ZNF503: variants seen among roughly 807,000 people sequenced by gnomAD.
ZNF503 encodes zinc finger protein 503, also known as NocA-like zinc finger 2.
In ZNF503, 15 loss-of-function variants were observed where a neutral mutation model predicts 34.4. That is an observed-to-expected ratio of 0.44 (90% CI 0.29 to 0.67). ZNF503 has a LOEUF of 0.67. ZNF503 is among the 30% of genes least tolerant of loss of function. The pLI is 0.13. For synonymous variants in ZNF503, 580 were observed against 456.8 expected, an observed-to-expected ratio of 1.27 and a Z score of -3.44; for missense variants, 1,007 against 926.8, an observed-to-expected ratio of 1.09 and a Z score of -1.12.
the ZNF503 span, among the ~76,000 whole-genome samples, chr10:75,367,086 C>G: frequency 1.3e-5 from 2 of 152,200 alleles, no homozygotes; most frequent in Non-Finnish European, 2.9e-5. Flanking sequence ...ACTTGCCCAC[C>G]AGAAGGGCCT....
the ZNF503 span, among the ~76,000 whole-genome samples, chr10:75,337,180 C>A: frequency 4.0e-5 from 6 of 151,506 alleles, no homozygotes; most frequent in South Asian, 1.0e-3. Context: ...AACAATTAGT[C>A]GGGCGTGGTG....
At chr10:75,357,729 T>C in the ZNF503 span, among the ~76,000 whole-genome samples, 81 of 152,136 alleles carry the variant, frequency 5.3e-4, 1 homozygote, top group Admixed American at 4.6e-4. Flanking sequence ...TGTGGTAGAA[T>C]TGGGATTTGA....
At chr10:75,324,805 G>A in the ZNF503 span, among the ~76,000 whole-genome samples, 1 of 151,950 alleles carries the variant, frequency 6.6e-6, no homozygotes, top group Non-Finnish European at 1.5e-5. Flanking sequence ...ATGCTTATTT[G>A]CTGGAATTCC....
the ZNF503 span, among the ~76,000 whole-genome samples, chr10:75,285,437 T>A: frequency 6.6e-6 from 1 of 152,230 alleles, no homozygotes; most frequent in Non-Finnish European, 1.5e-5. Context: ...CAGATTTTTC[T>A]CTTCTGCTCT....
chr10:75,389,288 G>T, the ZNF503 span, among the ~76,000 whole-genome samples: 2 of 152,116 alleles, frequency 1.3e-5, no homozygotes, highest in Non-Finnish European at 2.9e-5. Context: ...TGCCCCTCCT[G>T]GTTCCTGCAT....
chr10:75,398,872 G>A lies in ZNF503; in HGVS notation c.1818C>T (p.Ser606=). ...CGCCAGGCGTGGGAAGCGGGCTCTT[G>A]GAGTAGGGGTGGTAGCGGCTGCTGA... The part of the protein sequence containing the change: ...LGLSSRYHPY[S]KSPLPTPGAP... The change falls in exon 2 of 2, where the codon TCC becomes TCT. Residue 606 remains serine, a synonymous_variant. Coordinates refer to ENST00000372524, the MANE Select transcript of ZNF503 (RefSeq NM_032772.6). 1 of 1,518,200 alleles carries A rather than the reference G, an allele frequency of 6.6e-7. No individual in the cohort carries two copies. The highest frequency in any genetic ancestry group is 2.3e-5 in the East Asian group (1 of 43,374). The allele number at this position is 1,518,200 out of a possible 1,614,324, so 94.0% of individuals were successfully genotyped here.
the ZNF503 span, among the ~76,000 whole-genome samples, chr10:75,298,235 A>G: frequency 6.6e-6 from 1 of 152,242 alleles, no homozygotes; most frequent in Non-Finnish European, 1.5e-5. Context: ...ACACTTTAGA[A>G]GGTAAAATTA....
chr10:75,382,506 CT>C, the ZNF503 span: 5 of 728,212 alleles, frequency 6.9e-6, no homozygotes, highest in Non-Finnish European at 8.7e-6. Context: ...GCAACCTCTT[CT>C]TTTTCCTTAT....
In ZNF503 at chr10:75,401,176, C is replaced by T. The variant is rs1328249916; in HGVS notation, c.244G>A (p.Ala82Thr). 1.9e-6 allele frequency: 3 copies of T among 1,610,822 alleles called. No individual in the cohort carries two copies. Among genetic ancestry groups the T allele is most frequent in the Non-Finnish European group, 2.5e-6 (3 of 1,178,230 alleles). Residue 82 changes from alanine (A) to threonine (T), a missense_variant, in exon 1 of 2, where the codon GCA (alanine) becomes ACA (threonine). By Grantham distance (58) the Ala-to-Thr change is moderately conservative (BLOSUM62 0). Coordinates refer to ENST00000372524, the MANE Select transcript of ZNF503 (RefSeq NM_032772.6). Reference protein sequence around the residue: ...LPIKVLKMLTARTGHILHPEY... With the variant: ...LPIKVLKMLTTRTGHILHPEY... ...GGGTGCAAAATGTGGCCAGTTCGTGCCGTCAGCATCTTCAGCACCTTGATT... is the reference window on the plus strand; with the variant it reads ...GGGTGCAAAATGTGGCCAGTTCGTGTCGTCAGCATCTTCAGCACCTTGATT...
chr10:75,286,146 G>C, the ZNF503 span, among the ~76,000 whole-genome samples: 2 of 152,000 alleles, frequency 1.3e-5, no homozygotes, highest in Non-Finnish European at 2.9e-5. Flanking sequence ...AGCTGGTCCT[G>C]GTGGCACGCG....
chr10:75,300,704 C>CTTTTTTTTTTTTTTTTTTT, the ZNF503 span, among the ~76,000 whole-genome samples: 1 of 108,752 alleles, frequency 9.2e-6, no homozygotes, highest in African/African-American at 3.7e-5. Flanking sequence ...TTCTTTCTTT[C>CTTTTTTTTTTTTTTTTTTT]TTTTTTTTTT....
the ZNF503 span, among the ~76,000 whole-genome samples, chr10:75,349,430 T>G: frequency 2.0e-5 from 3 of 152,232 alleles, no homozygotes; most frequent in South Asian, 6.2e-4. Context: ...GAATGCCACA[T>G]GAGTTTTAAT....
At chr10:75,387,703 T>C in the ZNF503 span, among the ~76,000 whole-genome samples, 1 of 152,152 alleles carries the variant, frequency 6.6e-6, no homozygotes, top group African/African-American at 2.4e-5. Context: ...GGCTGGGTTT[T>C]GCTGGGTGCT....
the ZNF503 span, among the ~76,000 whole-genome samples, chr10:75,375,703 G>A: frequency 2.0e-5 from 3 of 152,188 alleles, no homozygotes; most frequent in Non-Finnish European, 4.4e-5. Flanking sequence ...TTTCAGTAGA[G>A]ACTGGGTTTT....
chr10:75,326,475 G>T, the ZNF503 span, among the ~76,000 whole-genome samples: 1 of 152,024 alleles, frequency 6.6e-6, no homozygotes, highest in Non-Finnish European at 1.5e-5. Flanking sequence ...ATTTTGGGAA[G>T]ATATTTTTAC....
At chr10:75,322,937 A>G in the ZNF503 span, among the ~76,000 whole-genome samples, 13 of 152,190 alleles carry the variant, frequency 8.5e-5, no homozygotes, top group Non-Finnish European at 1.9e-4. Flanking sequence ...TTCAAAATTT[A>G]CATACAGTAA....
the ZNF503 span, among the ~76,000 whole-genome samples, chr10:75,320,992 G>T: frequency 0.012 from 1,856 of 152,276 alleles, 17 homozygotes; most frequent in Non-Finnish European, 0.018. Context: ...CCCAGTGCAG[G>T]AGGTGGGGCC....
At chr10:75,366,365 A>G in the ZNF503 span, among the ~76,000 whole-genome samples, 21 of 152,206 alleles carry the variant, frequency 1.4e-4, no homozygotes, top group Non-Finnish European at 2.4e-4. Flanking sequence ...TGGAGAGTAA[A>G]AAACACCGTC....
chr10:75,322,777 G>A, the ZNF503 span, among the ~76,000 whole-genome samples: 1 of 152,128 alleles, frequency 6.6e-6, no homozygotes, highest in East Asian at 1.9e-4. Flanking sequence ...GGCATTTGAG[G>A]CTGAAGTGAA....
Sources: gnomAD v4.1 joint callset for allele counts (sites outside exome capture counted in the v4.1 genomes callset) on GRCh38, gnomAD v4.1.1 for gene constraint, MANE v1.5 for transcripts, NCBI Gene and HGNC (gene_info 2026-07-23, HGNC 2026-07-21) for gene names.